Variants in CDH13 observed in about 807,000 individuals in gnomAD.
The protein encoded by CDH13 is cadherin-13.
A neutral mutation model predicts 63.8 loss-of-function variants in CDH13; 24 were observed. That is an observed-to-expected ratio of 0.38 (90% confidence interval 0.27 to 0.53). CDH13 has a LOEUF of 0.53. CDH13 is among the 20% of genes least tolerant of loss of function. CDH13 has a pLI of 0.85. For synonymous variants in CDH13, 503 were observed against 355.3 expected (o/e 1.42, Z -4.67); for missense variants, 1,049 against 903.1 (o/e 1.16, Z -2.07).
At chr16:82,966,414 T>C (rs1907840884) in intron 2 of CDH13, among the ~76,000 whole-genome samples, 1 of 152,176 alleles carries the variant, frequency 6.6e-6, no homozygotes, top group Non-Finnish European at 1.5e-5. Context: ...CCCAAAGTGT[T>C]GGGATTACAG....
intron 5 of CDH13, among the ~76,000 whole-genome samples, chr16:83,259,017 A>G (rs1013944002): frequency 1.3e-5 from 2 of 152,156 alleles, no homozygotes; most frequent in African/African-American, 4.8e-5. Context: ...AATATCACCC[A>G]TCATTGCCAG....
At chr16:82,831,608 C>A (rs1172655637) in intron 1 of CDH13, among the ~76,000 whole-genome samples, 1 of 152,150 alleles carries the variant, frequency 6.6e-6, no homozygotes, top group Non-Finnish European at 1.5e-5. Flanking sequence ...AGAGAACCAA[C>A]AACCAAATCA....
chr16:82,738,613 C>G (rs1171713685), intron 1 of CDH13, among the ~76,000 whole-genome samples: 1 of 152,222 alleles, frequency 6.6e-6, no homozygotes, highest in African/African-American at 2.4e-5. Context: ...GCACTACCTA[C>G]TAAAATAGAA....
intron 1 of CDH13, among the ~76,000 whole-genome samples, chr16:82,671,892 GC>G (rs1259928268): frequency 6.6e-6 from 1 of 152,152 alleles, no homozygotes; most frequent in Non-Finnish European, 1.5e-5. Context: ...CCTGAGAAGT[GC>G]CCCCTGCTGG....
At chr16:83,341,735 C>T (rs1254223626) in intron 5 of CDH13, among the ~76,000 whole-genome samples, 7 of 152,128 alleles carry the variant, frequency 4.6e-5, no homozygotes, top group African/African-American at 1.7e-4. Context: ...TTAACTTACT[C>T]CATTCGGAGT....
At chr16:83,022,892 G>A (rs1187339493) in intron 2 of CDH13, 2 of 152,204 alleles carry the variant, frequency 1.3e-5, no homozygotes, top group African/African-American at 2.4e-5. Flanking sequence ...TCATATATTA[G>A]TTCATACCTA....
intron 8 of CDH13, among the ~76,000 whole-genome samples, chr16:83,631,754 C>T (rs536809605): frequency 6.6e-6 from 1 of 152,318 alleles, no homozygotes; most frequent in South Asian, 2.1e-4. Context: ...AGCAGTCTGT[C>T]TGCCTGTGTT....
At chr16:82,881,466 C>G (rs1027071808) in intron 2 of CDH13, among the ~76,000 whole-genome samples, 5 of 152,098 alleles carry the variant, frequency 3.3e-5, no homozygotes, top group African/African-American at 1.2e-4. Flanking sequence ...GCAAGGGAGC[C>G]AAGCCTGTAT....
chr16:83,354,120 A>T lies in CDH13; in HGVS notation c.781+9114A>T, dbSNP rs141414166. ...AAAGATAAACCTGACAGGAATTTCTAGCGAAAATGAAAATTGGTGACGGTT... is the reference window on the plus strand; with the variant it reads ...AAAGATAAACCTGACAGGAATTTCTTGCGAAAATGAAAATTGGTGACGGTT... On this transcript the variant is annotated intron_variant, in intron 6 of 13. Coordinates refer to ENST00000567109, the MANE Select transcript of CDH13 (RefSeq NM_001257.5). 1.1e-3 allele frequency among the ~76,000 whole-genome samples: 175 copies of T among 152,356 alleles called. 1 individual carries two copies. The highest frequency in any genetic ancestry group is 3.9e-3 in the African/African-American group (162 of 41,584).
chr16:82,747,929 A>G (rs17274793), intron 1 of CDH13, among the ~76,000 whole-genome samples: 40,277 of 152,128 alleles, frequency 0.26, 6,021 homozygotes, highest in South Asian at 0.38. Context: ...CTTCTTTTTT[A>G]AAAACCAAGG....
chr16:83,234,717 C>T (rs180754096), intron 5 of CDH13, among the ~76,000 whole-genome samples: 1 of 152,162 alleles, frequency 6.6e-6, no homozygotes, highest in Non-Finnish European at 1.5e-5. Context: ...ACCCCCAGCC[C>T]CTCTGGAGCT....
chr16:83,458,955 A>G lies in CDH13; in HGVS notation c.782-27522A>G, dbSNP rs539974831. The stretch of plus-strand genomic sequence containing the variant: ...ATATTATTATGCAAAAGCAGTGTCT[A>G]TTTACAGATGATGAAACGACAATTT... On this transcript the variant is annotated intron_variant, in intron 6 of 13. Transcript: ENST00000567109. Among the ~76,000 whole-genome samples the G allele has an allele frequency of 2.0e-5, 3 of 152,346 alleles. No individual in the cohort carries two copies. In the South Asian group the frequency reaches 6.2e-4, roughly 32 times the overall value.
intron 1 of CDH13, among the ~76,000 whole-genome samples, chr16:82,661,691 C>T (rs1170745008): frequency 6.6e-6 from 1 of 152,198 alleles, no homozygotes; most frequent in South Asian, 2.1e-4. Context: ...ACTCGTCTGT[C>T]TTTTATTCCA....
intron 2 of CDH13, among the ~76,000 whole-genome samples, chr16:83,028,374 C>A (rs1240799583): frequency 6.6e-6 from 1 of 152,182 alleles, no homozygotes; most frequent in Non-Finnish European, 1.5e-5. Flanking sequence ...ACTTGTGTGT[C>A]CATGCAAAGA....
At chr16:83,092,482 G>A (rs1039195711) in intron 3 of CDH13, among the ~76,000 whole-genome samples, 3 of 152,198 alleles carry the variant, frequency 2.0e-5, no homozygotes, top group South Asian at 2.1e-4. Context: ...ACTAGAGTTC[G>A]TTAACTTGTC....
At chr16:83,339,719 G>GC (rs1299818990) in intron 5 of CDH13, among the ~76,000 whole-genome samples, 1 of 151,996 alleles carries the variant, frequency 6.6e-6, no homozygotes, top group Non-Finnish European at 1.5e-5. Flanking sequence ...CCCACCTCCA[G>GC]CAATTCTCCC....
At chr16:83,442,482 A>C (rs116469056) in intron 6 of CDH13, among the ~76,000 whole-genome samples, 241 of 152,354 alleles carry the variant, frequency 1.6e-3, no homozygotes, top group African/African-American at 5.7e-3. Flanking sequence ...CCTGAATTGC[A>C]TGTCACCTTG....
chr16:83,007,078 G>T (rs976814402), intron 2 of CDH13, among the ~76,000 whole-genome samples: 1 of 151,846 alleles, frequency 6.6e-6, no homozygotes, highest in Admixed American at 6.6e-5. Flanking sequence ...CATGCACCAC[G>T]CCCAGCTAAT....
At chr16:82,972,216 C>G (rs1314452524) in intron 2 of CDH13, among the ~76,000 whole-genome samples, 1 of 151,760 alleles carries the variant, frequency 6.6e-6, no homozygotes, top group African/African-American at 2.4e-5. Context: ...GAAAACAGTC[C>G]CTGAGGAGGA....
Sources: gnomAD v4.1 joint callset for allele counts (sites outside exome capture counted in the v4.1 genomes callset) on GRCh38, gnomAD v4.1.1 for gene constraint, MANE v1.5 for transcripts, NCBI Gene and HGNC (gene_info 2026-07-23, HGNC 2026-07-21) for gene names.